Variants in GPAT3 observed in about 807,000 individuals in gnomAD.
GPAT3 encodes the protein 1-AGP acyltransferase 9.
In GPAT3, 53 loss-of-function variants were observed where a neutral mutation model predicts 58.8. The ratio of observed to expected loss-of-function variants is 0.90; its 90% CI spans 0.72 to 1.13. The LOEUF (loss-of-function observed/expected upper bound fraction) is 1.13, where lower values mean the gene tolerates loss of function less well. Among genes scored for constraint, GPAT3 ranks in the 50% most tolerant of loss-of-function variants. The pLI, the probability that GPAT3 is intolerant of heterozygous loss-of-function variation, is 0.00. For synonymous variants in GPAT3, 197 were observed against 187.4 expected (o/e 1.05, Z -0.42); for missense variants, 511 against 527.6 (o/e 0.97, Z 0.31).
In GPAT3 at chr4:83,536,325, G is replaced by C; in HGVS notation, c.-298G>C. The C allele has an allele frequency of 8.9e-7, 1 of 1,122,412 alleles. No homozygotes were observed. Among genetic ancestry groups the C allele is most frequent in the Non-Finnish European group, 1.1e-6 (1 of 917,466 alleles). 69.5% of individuals were successfully genotyped at this position (1,122,412 alleles called of 1,614,324 possible). On this transcript the variant is annotated 5_prime_UTR_variant, in exon 1 of 12. Transcript: ENST00000264409. ...CGCCGCGGTGTGCCTCCGCTTACCCGCAGCTCCGACCACTGGCTCGCGCTA... is the reference window on the plus strand; with the variant it reads ...CGCCGCGGTGTGCCTCCGCTTACCCCCAGCTCCGACCACTGGCTCGCGCTA...
chr4:83,547,477 C>T (rs1208101364), intron 2 of GPAT3, among the ~76,000 whole-genome samples: 1 of 151,604 alleles, frequency 6.6e-6, no homozygotes, highest in Non-Finnish European at 1.5e-5. Context: ...TGGTCTCGAT[C>T]TCCTGACCTT....
chr4:83,547,421 T>G (rs535033541), intron 2 of GPAT3, among the ~76,000 whole-genome samples: 1 of 151,542 alleles, frequency 6.6e-6, no homozygotes, highest in South Asian at 2.1e-4. Flanking sequence ...CCCAGCTAAT[T>G]TTTTGTATTT....
intron 11 of GPAT3, among the ~76,000 whole-genome samples, chr4:83,603,297 G>C (rs1578204207): frequency 6.6e-6 from 1 of 152,200 alleles, no homozygotes; most frequent in East Asian, 1.9e-4. Context: ...GTAGTCCAAA[G>C]AAGGAAAAGC....
rs1344882584 is a variant in GPAT3 at position 83,562,225 on chromosome 4, A to T, written c.208+17623A>T. 2.8e-4 allele frequency among the ~76,000 whole-genome samples: 17 copies of T among 61,412 alleles called. 1 individual carries two copies. Among genetic ancestry groups the T allele is most frequent in the African/African-American group, 6.2e-4 (8 of 12,836 alleles). The allele number at this position is 61,412 out of a possible 152,430, so 40.3% of individuals were successfully genotyped here. A position where few individuals can be genotyped will look rare whatever the true frequency, so the allele number is the denominator to read the frequency against. On this transcript the variant is annotated intron_variant, in intron 2 of 11. Coordinates refer to ENST00000264409, the MANE Select transcript of GPAT3 (RefSeq NM_032717.5). ...ATATATATATATTATATATATATAT[A>T]ATATATATATAATATATATATATAA...
At chr4:83,556,495 C>A (rs1484385846) in intron 2 of GPAT3, among the ~76,000 whole-genome samples, 1 of 149,310 alleles carries the variant, frequency 6.7e-6, no homozygotes, top group African/African-American at 2.5e-5. Flanking sequence ...GAGACTCAGT[C>A]TCAAGAAAAA....
intron 2 of GPAT3, among the ~76,000 whole-genome samples, chr4:83,557,657 C>T (rs980147782): frequency 2.0e-5 from 3 of 152,218 alleles, no homozygotes; most frequent in African/African-American, 7.2e-5. Context: ...TCATGCAATC[C>T]AGCAGACAGC....
rs1024350341 is a variant in GPAT3 at position 83,598,183 on chromosome 4, T to C, written c.1125+4T>C. ...CATGCCCCCCATGACCAGAGAGGTATTCCTTAGCTAACACTTTATCTAATC... is the reference window on the plus strand; with the variant it reads ...CATGCCCCCCATGACCAGAGAGGTACTCCTTAGCTAACACTTTATCTAATC... On this transcript the variant is annotated splice_donor_region_variant and intron_variant, in intron 10 of 11. Coordinates refer to ENST00000264409, the MANE Select transcript of GPAT3 (RefSeq NM_032717.5). 3 of 1,611,686 alleles carry C rather than the reference T, an allele frequency of 1.9e-6. No individual in the cohort carries two copies. The highest frequency in any genetic ancestry group is 2.5e-6 in the Non-Finnish European group (3 of 1,179,396).
intron 1 of GPAT3, among the ~76,000 whole-genome samples, chr4:83,542,397 T>G (rs539817206): frequency 2.3e-4 from 35 of 152,332 alleles, no homozygotes; most frequent in African/African-American, 8.4e-4. Context: ...GATAACAGGA[T>G]GCAATCAGAT....
chr4:83,592,919 T>C (rs1022759988), intron 6 of GPAT3, among the ~76,000 whole-genome samples: 2 of 152,178 alleles, frequency 1.3e-5, no homozygotes, highest in African/African-American at 4.8e-5. Context: ...CAGGCTGGAG[T>C]GCAGTGGTGT....
At chr4:83,562,185 A>ATATATATATATATAATATATATATAT (rs1164944337) in intron 2 of GPAT3, among the ~76,000 whole-genome samples, 9 of 52,018 alleles carry the variant, frequency 1.7e-4, no homozygotes, top group Non-Finnish European at 2.3e-4. Context: ...TATATTATAT[A>ATATATATATATATAATATATATATAT]TATATATATA....
chr4:83,587,653 C>G (rs544835522), intron 4 of GPAT3, among the ~76,000 whole-genome samples: 31 of 152,224 alleles, frequency 2.0e-4, no homozygotes, highest in African/African-American at 7.2e-4. Context: ...GTCTCGAACT[C>G]CTGACCTTGT....
chr4:83,554,601 G>C (rs1442077453), intron 2 of GPAT3, among the ~76,000 whole-genome samples: 1 of 151,906 alleles, frequency 6.6e-6, no homozygotes, highest in African/African-American at 2.4e-5. Flanking sequence ...GATTTTACTT[G>C]CTCTACATTG....
intron 3 of GPAT3, 63 bp from the exon 4 acceptor site, chr4:83,587,192 A>C (rs762232578): frequency 1.5e-6 from 2 of 1,310,260 alleles, no homozygotes; most frequent in Non-Finnish European, 2.2e-6. Context: ...TTATTTAGGA[A>C]CTTTTTGGTT....
chr4:83,586,915 G>A (rs1332301081), intron 3 of GPAT3, among the ~76,000 whole-genome samples: 1 of 152,150 alleles, frequency 6.6e-6, no homozygotes, highest in African/African-American at 2.4e-5. Flanking sequence ...TTAACCCTTT[G>A]GTGATTATAT....
At chr4:83,596,721 T>A in intron 7 of GPAT3, 137 bp from the exon 8 acceptor site, 3 of 674,046 alleles carry the variant, frequency 4.5e-6, no homozygotes. Context: ...CAACTCAAAT[T>A]TATTTCTTTT....
At chr4:83,575,692 G>T (rs960518508) in intron 2 of GPAT3, among the ~76,000 whole-genome samples, 2 of 152,186 alleles carry the variant, frequency 1.3e-5, no homozygotes, top group Non-Finnish European at 2.9e-5. Context: ...GGGATTACAG[G>T]CATGAGCCAC....
chr4:83,559,099 A>C (rs28615868), intron 2 of GPAT3, among the ~76,000 whole-genome samples: 35,704 of 152,108 alleles, frequency 0.23, 4,379 homozygotes, highest in East Asian at 0.31. Flanking sequence ...TATATGAGAT[A>C]TTTTCCAAGT....
At chr4:83,603,178 C>T (rs1288001889) in intron 11 of GPAT3, among the ~76,000 whole-genome samples, 2 of 152,194 alleles carry the variant, frequency 1.3e-5, no homozygotes, top group Non-Finnish European at 2.9e-5. Flanking sequence ...AAGTTCTCAG[C>T]CCATGCTCTC....
chr4:83,536,251 C>T lies in GPAT3; in HGVS notation c.-372C>T. On this transcript the variant is annotated 5_prime_UTR_variant, in exon 1 of 12. Transcript: ENST00000264409. ...GTCGCAATCGCCACCCAGAGGAAAT[C>T]AGGCACCGGGCGGGGCGGGTTCCTG... 1 of 1,012,204 alleles carries T rather than the reference C, an allele frequency of 9.9e-7. No homozygotes were observed. Among genetic ancestry groups the T allele is most frequent in the East Asian group, 9.7e-5 (1 of 10,318 alleles). The allele number at this position is 1,012,204 out of a possible 1,614,324, so 62.7% of individuals were successfully genotyped here.
Sources: allele counts gnomAD v4.1 joint callset (sites outside exome capture counted in the v4.1 genomes callset), GRCh38; gene constraint gnomAD v4.1.1; transcripts MANE v1.5; gene names NCBI Gene and HGNC (gene_info 2026-07-23, HGNC 2026-07-21).